The following SYF2 variants were observed in gnomAD, a reference collection of about 807,000 sequenced individuals.
SYF2 encodes the protein SYF2 pre-mRNA splicing factor, also known as pre-mRNA-splicing factor SYF2.
Under a neutral mutation model 32.7 loss-of-function variants are expected in SYF2, and 21 were observed. That is an observed-to-expected ratio of 0.64 (90% CI 0.45 to 0.92). SYF2 has a LOEUF of 0.92. Among genes scored for constraint, SYF2 ranks in the 40% least tolerant of loss-of-function variants. The probability of loss-of-function intolerance (pLI) is 0.00; values close to 1 mark genes in which losing one functional copy is unlikely to be tolerated. For synonymous variants in SYF2, 114 were observed against 103.9 expected (o/e 1.10, Z -0.59); for missense variants, 278 against 296.5 (o/e 0.94, Z 0.46).
intron 1 of SYF2, 38 bp from the exon 2 acceptor site, chr1:25,232,249 C>G (rs1196226884): frequency 6.3e-7 from 1 of 1,590,648 alleles, no homozygotes; most frequent in South Asian, 1.1e-5. Context: ...AGAGCCGGCT[C>G]AGCTTCTCCC....
At chr1:25,224,245 A>G (rs369303834) in intron 6 of SYF2, among the ~76,000 whole-genome samples, 5 of 152,196 alleles carry the variant, frequency 3.3e-5, no homozygotes, top group South Asian at 4.1e-4. Flanking sequence ...TGAGCACATA[A>G]TATGTGCCAG....
rs918384864 is a variant in SYF2 at position 25,222,518 on chromosome 1, T to A, written c.*748A>T. ...GCAGGACTGGCCATGAGTTAATGAT[T>A]GTTGAACAGGGTACTGGGTATATGG... On this transcript the variant is annotated 3_prime_UTR_variant, in exon 7 of 7. Coordinates refer to ENST00000236273, the MANE Select transcript of SYF2 (RefSeq NM_015484.5). Among the ~76,000 whole-genome samples, 9 of 151,990 alleles carry A rather than the reference T, an allele frequency of 5.9e-5. No individual in the cohort carries two copies. Among genetic ancestry groups the A allele is most frequent in the Admixed American group, 4.6e-4 (7 of 15,216 alleles).
intron 4 of SYF2, 90 bp from the exon 5 acceptor site, chr1:25,227,622 A>G: frequency 2.6e-6 from 3 of 1,171,352 alleles, no homozygotes; most frequent in Non-Finnish European, 3.7e-6. Flanking sequence ...ACAGGTGAGT[A>G]TCTTTTATCC....
At chr1:25,229,440 G>A (rs1044885418) in intron 2 of SYF2, among the ~76,000 whole-genome samples, 1 of 152,122 alleles carries the variant, frequency 6.6e-6, no homozygotes, top group Non-Finnish European at 1.5e-5. Flanking sequence ...CAGTATTGGA[G>A]ACCATACTAT....
At chr1:25,232,043 C>T (rs1165997644) in intron 2 of SYF2, 61 bp downstream of exon 2, 1 of 1,544,402 alleles carries the variant, frequency 6.5e-7, no homozygotes, top group Non-Finnish European at 8.9e-7. Flanking sequence ...CTCGTCCCCT[C>T]TACAAAAGCG....
chr1:25,228,379 G>A (rs1211677343), intron 3 of SYF2, 144 bp from the exon 4 acceptor site: 3 of 730,050 alleles, frequency 4.1e-6, no homozygotes, highest in Non-Finnish European at 6.6e-6. Flanking sequence ...CTGTCACGCA[G>A]GCTGGAGTGC....
In SYF2 at chr1:25,227,589, T is replaced by C. The variant is rs1638538805; in HGVS notation, c.377-57A>G. The C allele has an allele frequency of 4.3e-6, 6 of 1,381,948 alleles. No individual in the cohort carries two copies. The Admixed American group carries it at 6.4e-5, about 15-fold the overall frequency. 85.6% of individuals were successfully genotyped at this position (1,381,948 alleles called of 1,614,324 possible). ...ATATTTCCTTGTTTGGACCTTCCTA[T>C]TGAGAGAAAAATCTAAATTATCACA... is the stretch of plus-strand genomic sequence containing the variant. On this transcript the variant is annotated intron_variant, in intron 4 of 6. Coordinates refer to ENST00000236273, the MANE Select transcript of SYF2 (RefSeq NM_015484.5).
chr1:25,227,631 C>A (rs1638539542), intron 4 of SYF2, 99 bp from the exon 5 acceptor site: 12 of 1,058,636 alleles, frequency 1.1e-5, no homozygotes, highest in Non-Finnish European at 1.4e-5. Flanking sequence ...TATCTTTTAT[C>A]CAAAACGCTT....
In SYF2 at chr1:25,229,617, A is replaced by C. The variant is rs562637589; in HGVS notation, c.133-494T>G. ...TGGTGAAACCCCGTCTCTACTAAAA[A>C]TACAAAAATTAGCGAGGCATGGTGG... On this transcript the variant is annotated intron_variant, in intron 2 of 6. Coordinates refer to ENST00000236273, the MANE Select transcript of SYF2 (RefSeq NM_015484.5). 1.6e-3 allele frequency among the ~76,000 whole-genome samples: 244 copies of C among 152,206 alleles called. 1 individual carries two copies. Among genetic ancestry groups the C allele is most frequent in the African/African-American group, 5.5e-3 (230 of 41,546 alleles).
chr1:25,223,124 C>A lies in SYF2; in HGVS notation c.*142G>T. On this transcript the variant is annotated 3_prime_UTR_variant, in exon 7 of 7. Coordinates refer to ENST00000236273, the MANE Select transcript of SYF2 (RefSeq NM_015484.5). The stretch of plus-strand genomic sequence containing the variant: ...ATGAAAGGATATACGTTTAAGAAAC[C>A]ACATTTTTATTTCTAAATGCTGAGT... The A allele has an allele frequency of 4.1e-6, 3 of 723,800 alleles. No homozygotes were observed. The highest frequency in any genetic ancestry group is 2.7e-5 in the South Asian group (1 of 37,196). 44.8% of individuals were successfully genotyped at this position (723,800 alleles called of 1,614,324 possible).
At position 25,232,304 on chromosome 1, in the gene SYF2, C is replaced by T. The variant is rs1439535984; in HGVS notation, c.25-93G>A. The T allele has an allele frequency of 2.1e-4, 333 of 1,582,934 alleles. 2 individuals carry two copies. The highest frequency in any genetic ancestry group is 1.8e-4 in the Middle Eastern group (1 of 5,712). ...CCCCGCCGGTCCCCACAGGCTGGGC[C>T]TAGGGCCTCCACCGCCGACTTGACC... On this transcript the variant is annotated intron_variant, in intron 1 of 6. Transcript: ENST00000236273.
chr1:25,223,758 G>T (rs1048885134), intron 6 of SYF2, among the ~76,000 whole-genome samples: 3 of 152,120 alleles, frequency 2.0e-5, no homozygotes, highest in Non-Finnish European at 4.4e-5. Flanking sequence ...TACTTTTGGA[G>T]GACAAGGCCT....
rs1557470690 is a variant in SYF2 at position 25,228,245 on chromosome 1, AG to A, written c.259-11del. ...CTCTTGCCGCACATTCCTAAAAAGAAGAAAAAAGCTGACACCTACAATTATG... is the reference window on the plus strand; with the variant it reads ...CTCTTGCCGCACATTCCTAAAAAGAAAAAAAAGCTGACACCTACAATTATG... On this transcript the variant is annotated splice_polypyrimidine_tract_variant and intron_variant, in intron 3 of 6. Coordinates refer to ENST00000236273, the MANE Select transcript of SYF2 (RefSeq NM_015484.5). 6.2e-7 allele frequency: 1 copy of A among 1,604,510 alleles called. No homozygotes were observed. Among genetic ancestry groups the A allele is most frequent in the South Asian group, 1.1e-5 (1 of 90,286 alleles).
Position 25,229,020 on chromosome 1 carries a change from A to G in SYF2, c.236T>C (p.Leu79Pro), listed in dbSNP as rs199610627. 3 of 1,613,470 alleles carry G rather than the reference A, an allele frequency of 1.9e-6. No individual in the cohort carries two copies. The highest frequency in any genetic ancestry group is 2.5e-6 in the Non-Finnish European group (3 of 1,179,882). ...AACCTTTTTCTTTTCCTCTTCCTTTAGTTCCCACTCCAAACGAGCTTTTTT... is the reference window on the plus strand; with the variant it reads ...AACCTTTTTCTTTTCCTCTTCCTTTGGTTCCCACTCCAAACGAGCTTTTTT... ...EAKKARLEWE[L>P]KEEEKKKECA... Residue 79 changes from leucine to proline, a missense_variant, in exon 3 of 7, where the codon CTA becomes CCA. Transcript: ENST00000236273.
In SYF2 at chr1:25,232,434, T is replaced by A. The variant is rs1303834153; in HGVS notation, c.24+10A>T. On this transcript the variant is annotated intron_variant, in intron 1 of 6. Coordinates refer to ENST00000236273, the MANE Select transcript of SYF2 (RefSeq NM_015484.5). ...AACAAAACCCCCGGTGTACGGTGGG[T>A]GGAACTCACCTCGGATGCAGCTATA... The A allele has an allele frequency of 1.2e-6, 2 of 1,614,122 alleles. No individual in the cohort carries two copies. Among genetic ancestry groups the A allele is most frequent in the Non-Finnish European group, 1.7e-6 (2 of 1,180,016 alleles).
intron 5 of SYF2, 139 bp from the exon 6 acceptor site, chr1:25,225,239 A>T (rs1638483634): frequency 1.6e-6 from 1 of 641,078 alleles, no homozygotes. Flanking sequence ...TTTTAAAAAA[A>T]CATACAGGCT....
chr1:25,232,163 G>A lies in SYF2; in HGVS notation c.73C>T (p.Leu25=). The change falls in exon 2 of 7, where the codon CTG becomes TTG. Residue 25 remains leucine, a synonymous_variant. Coordinates refer to ENST00000236273, the MANE Select transcript of SYF2 (RefSeq NM_015484.5). ...CTCTGTTCGCGCTTCTGAGCGGCCA[G>A]CTCCGCCGCCGCAGCGAGGGACCCC... ...EEGSLAAAAE[L]AAQKREQRLR... The A allele has an allele frequency of 6.2e-7, 1 of 1,613,830 alleles. No homozygotes were observed. The highest frequency in any genetic ancestry group is 1.1e-5 in the South Asian group (1 of 91,078).
chr1:25,226,962 C>T (rs930277756), intron 5 of SYF2, among the ~76,000 whole-genome samples: 4 of 150,684 alleles, frequency 2.7e-5, no homozygotes, highest in African/African-American at 9.8e-5. Flanking sequence ...GCTTAAGCAA[C>T]AGAGCGAGAC....
At position 25,224,281 on chromosome 1, in the gene SYF2, G is replaced by C. The variant is rs547629682; in HGVS notation, c.566+721C>G. Among the ~76,000 whole-genome samples, 108 of 151,904 alleles carry C rather than the reference G, an allele frequency of 7.1e-4. 1 individual carries two copies. The highest frequency in any genetic ancestry group is 2.5e-3 in the African/African-American group (103 of 41,426). Reference sequence around the variant, plus strand: ...ACACTTTTTTTTTTTCCTGAGACAGGGTCTCGCTCTGTCGCCCAAGCTGGA... The same window carrying C: ...ACACTTTTTTTTTTTCCTGAGACAGCGTCTCGCTCTGTCGCCCAAGCTGGA... On this transcript the variant is annotated intron_variant, in intron 6 of 6. Transcript: ENST00000236273.
Sources: gnomAD v4.1 joint callset for allele counts (sites outside exome capture counted in the v4.1 genomes callset) on GRCh38, gnomAD v4.1.1 for gene constraint, MANE v1.5 for transcripts, NCBI Gene and HGNC (gene_info 2026-07-23, HGNC 2026-07-21) for gene names.